MLLT3: variants seen among roughly 807,000 people sequenced by gnomAD.
MLLT3 encodes the protein protein AF-9.
Under a neutral mutation model 53.2 loss-of-function variants are expected in MLLT3, and 4 were observed. The ratio of observed to expected loss-of-function variants is 0.08; its 90% CI spans 0.04 to 0.17. MLLT3 has a LOEUF of 0.17. Ranked by LOEUF, MLLT3 falls within the 10% of genes least tolerant of loss-of-function variation. MLLT3 has a pLI of 1.00. For synonymous variants in MLLT3, 283 were observed against 230.6 expected (o/e 1.23, Z -2.06); for missense variants, 569 against 684.0 (o/e 0.83, Z 1.87).
At chr9:20,364,688 T>C (rs1282083632) in intron 6 of MLLT3, among the ~76,000 whole-genome samples, 2 of 152,206 alleles carry the variant, frequency 1.3e-5, no homozygotes, top group African/African-American at 4.8e-5. Context: ...TTTTATTTTT[T>C]TCCTGGAAGC....
chr9:20,580,413 T>C (rs932413759), intron 2 of MLLT3, among the ~76,000 whole-genome samples: 1 of 152,148 alleles, frequency 6.6e-6, no homozygotes, highest in Admixed American at 6.6e-5. Context: ...AAAAATACCC[T>C]TGCACAGACA....
At chr9:20,407,562 A>G (rs531084068) in intron 5 of MLLT3, among the ~76,000 whole-genome samples, 12 of 152,330 alleles carry the variant, frequency 7.9e-5, no homozygotes, top group Non-Finnish European at 1.2e-4. Flanking sequence ...TCCCAGCAGC[A>G]CTGCCAACTT....
chr9:20,604,242 T>C (rs1242122471), intron 2 of MLLT3, among the ~76,000 whole-genome samples: 3 of 152,052 alleles, frequency 2.0e-5, no homozygotes, highest in Admixed American at 6.6e-5. Flanking sequence ...CAGGAGTACA[T>C]GGTATTATTC....
At chr9:20,591,874 C>G (rs1282815898) in intron 2 of MLLT3, among the ~76,000 whole-genome samples, 1 of 152,086 alleles carries the variant, frequency 6.6e-6, no homozygotes, top group Non-Finnish European at 1.5e-5. Flanking sequence ...AAATGTTAAA[C>G]AGAATGAAGC....
chr9:20,476,632 G>A (rs1004834825), intron 2 of MLLT3, among the ~76,000 whole-genome samples: 7 of 152,048 alleles, frequency 4.6e-5, no homozygotes, highest in Non-Finnish European at 8.8e-5. Context: ...TAAATCATAT[G>A]GTACCTGGTT....
chr9:20,487,897 C>CA (rs1824853862), intron 2 of MLLT3, among the ~76,000 whole-genome samples: 1 of 152,058 alleles, frequency 6.6e-6, no homozygotes, highest in African/African-American at 2.4e-5. Context: ...ACTCATAACT[C>CA]AAAGTTCAAA....
intron 6 of MLLT3, among the ~76,000 whole-genome samples, chr9:20,364,426 A>G (rs1239214519): frequency 2.6e-5 from 4 of 152,248 alleles, no homozygotes; most frequent in African/African-American, 9.6e-5. Context: ...GCTAAATGTG[A>G]TGAAAAATAG....
At chr9:20,533,656 C>CA (rs1238050671) in intron 2 of MLLT3, among the ~76,000 whole-genome samples, 1 of 152,196 alleles carries the variant, frequency 6.6e-6, no homozygotes, top group Non-Finnish European at 1.5e-5. Flanking sequence ...GAAAACAAGC[C>CA]AAGTGTCCAT....
At chr9:20,518,238 A>G (rs1389727409) in intron 2 of MLLT3, among the ~76,000 whole-genome samples, 2 of 151,948 alleles carry the variant, frequency 1.3e-5, no homozygotes, top group African/African-American at 4.8e-5. Context: ...CCAGCTACTC[A>G]GGAGGCTGAG....
chr9:20,414,336 G>A lies in MLLT3; in HGVS notation c.510C>T (p.Ser170=), dbSNP rs553184543. ...TACTGCTGCTGCTGCTGCTGCTGCT[G>A]CTGCTGCTACTGCTGCTGCTGCTGC... ...SSSSSSSSSS[S]SSSSSSSSSS... The change falls in exon 5 of 11, where the codon AGC becomes AGT. Residue 170 remains serine (S), a synonymous_variant. Coordinates refer to ENST00000380338, the MANE Select transcript of MLLT3 (RefSeq NM_004529.4). 10 of 1,605,212 alleles carry A rather than the reference G, an allele frequency of 6.2e-6. No homozygotes were observed. The highest frequency in any genetic ancestry group is 1.3e-5 in the African/African-American group (1 of 74,412).
chr9:20,551,154 A>G (rs1818917218), intron 2 of MLLT3, among the ~76,000 whole-genome samples: 1 of 152,202 alleles, frequency 6.6e-6, no homozygotes, highest in African/African-American at 2.4e-5. Flanking sequence ...AAAATTTCCA[A>G]TTGCCTTTAG....
intron 8 of MLLT3, among the ~76,000 whole-genome samples, chr9:20,358,165 G>A (rs1408882443): frequency 6.6e-6 from 1 of 152,070 alleles, no homozygotes; most frequent in Non-Finnish European, 1.5e-5. Context: ...TAAAGGGATA[G>A]CATCACACCT....
chr9:20,478,612 A>G (rs761591953), intron 2 of MLLT3, among the ~76,000 whole-genome samples: 6 of 152,276 alleles, frequency 3.9e-5, no homozygotes, highest in Admixed American at 1.3e-4. Context: ...CATGATCACT[A>G]TAGTTAAGAT....
chr9:20,364,597 A>G (rs1261200461), intron 6 of MLLT3, among the ~76,000 whole-genome samples: 1 of 152,218 alleles, frequency 6.6e-6, no homozygotes, highest in Non-Finnish European at 1.5e-5. Flanking sequence ...ACCCAAATTT[A>G]TCTGCTTTTG....
chr9:20,421,299 T>G (rs1823002509), intron 4 of MLLT3, among the ~76,000 whole-genome samples: 1 of 151,698 alleles, frequency 6.6e-6, no homozygotes, highest in South Asian at 2.1e-4. Context: ...TAAAGACAAA[T>G]AAATCAAAAG....
chr9:20,554,223 C>A (rs575517075), intron 2 of MLLT3, among the ~76,000 whole-genome samples: 1 of 152,258 alleles, frequency 6.6e-6, no homozygotes, highest in South Asian at 2.1e-4. Flanking sequence ...TACCCAAAAA[C>A]TTAATTTCCT....
chr9:20,406,420 T>G (rs1226458249), intron 5 of MLLT3, among the ~76,000 whole-genome samples: 3 of 152,240 alleles, frequency 2.0e-5, no homozygotes, highest in Non-Finnish European at 4.4e-5. Flanking sequence ...TACTGAACAT[T>G]ATTAGAGTAA....
intron 4 of MLLT3, among the ~76,000 whole-genome samples, chr9:20,426,027 A>G (rs1253648882): frequency 6.6e-6 from 1 of 152,044 alleles, no homozygotes; most frequent in Non-Finnish European, 1.5e-5. Context: ...TCAAATGACT[A>G]TGACTTGTTT....
chr9:20,514,408 C>T (rs1817847210), intron 2 of MLLT3, among the ~76,000 whole-genome samples: 1 of 152,122 alleles, frequency 6.6e-6, no homozygotes, highest in African/African-American at 2.4e-5. Flanking sequence ...CGAGCTGATG[C>T]AGGCCTCTGG....
Sources: allele counts gnomAD v4.1 joint callset (sites outside exome capture counted in the v4.1 genomes callset), GRCh38; gene constraint gnomAD v4.1.1; transcripts MANE v1.5; gene names NCBI Gene and HGNC (gene_info 2026-07-23, HGNC 2026-07-21).